The following FGF10 variants were observed in gnomAD, a reference collection of about 807,000 sequenced individuals.
FGF10 encodes FGF-10.
Under a neutral mutation model 19.8 loss-of-function variants are expected in FGF10, and 2 were observed. The ratio of observed to expected loss-of-function variants is 0.10; its 90% CI spans 0.04 to 0.32. The LOEUF is 0.32. Among genes scored for constraint, FGF10 ranks in the 10% least tolerant of loss-of-function variants. The probability of loss-of-function intolerance (pLI) is 1.00; values close to 1 mark genes in which losing one functional copy is unlikely to be tolerated. For synonymous variants in FGF10, 112 were observed against 94.0 expected, an observed-to-expected ratio of 1.19 and a Z score of -1.10; for missense variants, 191 against 246.3, an observed-to-expected ratio of 0.78 and a Z score of 1.50.
At chr5:44,388,294 T>C (rs774516773) in intron 1 of FGF10, 64 bp downstream of exon 1, 1 of 1,487,926 alleles carries the variant, frequency 6.7e-7, no homozygotes. Flanking sequence ...GGAACAGATT[T>C]TTCCCCCCCG....
At chr5:44,354,456 T>A (rs1741302622) in intron 1 of FGF10, among the ~76,000 whole-genome samples, 1 of 151,514 alleles carries the variant, frequency 6.6e-6, no homozygotes, top group South Asian at 2.1e-4. Flanking sequence ...AAAGGACAGT[T>A]ATGTGGGCTT....
At chr5:44,344,604 T>TG (rs1411229803) in intron 1 of FGF10, among the ~76,000 whole-genome samples, 1 of 24,804 alleles carries the variant, frequency 4.0e-5, no homozygotes, top group Admixed American at 3.1e-4. Context: ...GTGTGTGTGT[T>TG]AAACCAACTC....
Position 44,303,081 on chromosome 5 carries a change from T to A in FGF10, c.*1914A>T, listed in dbSNP as rs1739998513. ...CCACAAAAATTAAACATTTTTATAA[T>A]CTCATTTGCCAAAAAGCAAGTTGGA... On this transcript the variant is annotated 3_prime_UTR_variant, in exon 3 of 3. Coordinates refer to ENST00000264664, the MANE Select transcript of FGF10 (RefSeq NM_004465.2). Among the ~76,000 whole-genome samples the A allele has an allele frequency of 6.6e-6, 1 of 152,196 alleles. No homozygotes were observed. The highest frequency in any genetic ancestry group is 2.1e-4 in the South Asian group (1 of 4,832).
intron 1 of FGF10, among the ~76,000 whole-genome samples, chr5:44,387,313 C>G (rs940678594): frequency 6.6e-6 from 1 of 152,010 alleles, no homozygotes; most frequent in African/African-American, 2.4e-5. Context: ...GCCCACACCC[C>G]TGCAAGAAAG....
Position 44,303,370 on chromosome 5 carries a change from A to G in FGF10, c.*1625T>C, listed in dbSNP as rs186437998. Among the ~76,000 whole-genome samples the G allele has an allele frequency of 6.6e-6, 1 of 152,298 alleles. No individual in the cohort carries two copies. The highest frequency in any genetic ancestry group is 1.9e-4 in the East Asian group (1 of 5,186). On this transcript the variant is annotated 3_prime_UTR_variant, in exon 3 of 3. Coordinates refer to ENST00000264664, the MANE Select transcript of FGF10 (RefSeq NM_004465.2). ...AAACTTTAGTAAGACACATTTAGTG[A>G]GTCTTTTTTTTTGTACCAAAATACT...
intron 1 of FGF10, among the ~76,000 whole-genome samples, chr5:44,374,095 G>A (rs1409596615): frequency 6.6e-6 from 1 of 152,160 alleles, no homozygotes; most frequent in African/African-American, 2.4e-5. Context: ...AAACTCCTCT[G>A]TAGGTTCTAG....
intron 2 of FGF10, among the ~76,000 whole-genome samples, chr5:44,309,533 T>C (rs1391533937): frequency 6.6e-6 from 1 of 152,146 alleles, no homozygotes; most frequent in Non-Finnish European, 1.5e-5. Flanking sequence ...TCAAGGCCCA[T>C]TTCTATACTT....
chr5:44,301,870 C>T lies in FGF10; in HGVS notation c.*3125G>A, dbSNP rs2111654160. 6.6e-6 allele frequency among the ~76,000 whole-genome samples: 1 copy of T among 152,026 alleles called. No homozygotes were observed. Among genetic ancestry groups the T allele is most frequent in the Middle Eastern group, 3.4e-3 (1 of 294 alleles). ...GGACAATATTTTAATTTTCTTTTCCCAACATTTTTATTGTTTTTATTTAAA... is the reference window on the plus strand; with the variant it reads ...GGACAATATTTTAATTTTCTTTTCCTAACATTTTTATTGTTTTTATTTAAA... On this transcript the variant is annotated 3_prime_UTR_variant, in exon 3 of 3. Transcript: ENST00000264664.
At chr5:44,387,568 G>A (rs1420443191) in intron 1 of FGF10, among the ~76,000 whole-genome samples, 1 of 152,124 alleles carries the variant, frequency 6.6e-6, no homozygotes, top group Non-Finnish European at 1.5e-5. Flanking sequence ...CAATATGAGA[G>A]GTTTCAGAAG....
At chr5:44,314,599 A>T (rs1445416717) in intron 1 of FGF10, among the ~76,000 whole-genome samples, 1 of 152,084 alleles carries the variant, frequency 6.6e-6, no homozygotes. Flanking sequence ...AGAAGTCACA[A>T]TTTTCGTGTA....
chr5:44,302,002 T>C lies in FGF10; in HGVS notation c.*2993A>G, dbSNP rs567934247. Among the ~76,000 whole-genome samples, 2 of 152,236 alleles carry C rather than the reference T, an allele frequency of 1.3e-5. No individual in the cohort carries two copies. Among genetic ancestry groups the C allele is most frequent in the African/African-American group, 4.8e-5 (2 of 41,564 alleles). ...AACCAAAACTCAAATGGACACATAT[T>C]TGTGGCTGATGCACTTTAACTTTGT... On this transcript the variant is annotated 3_prime_UTR_variant, in exon 3 of 3. Coordinates refer to ENST00000264664, the MANE Select transcript of FGF10 (RefSeq NM_004465.2).
chr5:44,374,241 C>T lies in FGF10; in HGVS notation c.325+14117G>A, dbSNP rs190154510. On this transcript the variant is annotated intron_variant, in intron 1 of 2. Transcript: ENST00000264664. ...ATGCCTTCTGCCTTCTGTGCTTCTA[C>T]GTATGTCTAATCTCCTTGTGTCTCT... Among the ~76,000 whole-genome samples the T allele has an allele frequency of 1.6e-3, 246 of 152,228 alleles. 1 individual carries two copies. Among genetic ancestry groups the T allele is most frequent in the Non-Finnish European group, 2.3e-3 (158 of 68,014 alleles).
intron 2 of FGF10, among the ~76,000 whole-genome samples, chr5:44,306,402 A>G (rs562594540): frequency 2.0e-5 from 3 of 152,330 alleles, no homozygotes; most frequent in African/African-American, 7.2e-5. Context: ...GTCTCAAAAC[A>G]AAACAAAACA....
At chr5:44,331,733 A>G (rs1339199662) in intron 1 of FGF10, among the ~76,000 whole-genome samples, 1 of 152,056 alleles carries the variant, frequency 6.6e-6, no homozygotes, top group African/African-American at 2.4e-5. Flanking sequence ...TTTGCATGCA[A>G]AATACATGTG....
At position 44,305,130 on chromosome 5, in the gene FGF10, A is replaced by G. The variant is rs745484862; in HGVS notation, c.492T>C (p.Tyr164=). Residue 164 remains tyrosine, a synonymous_variant, in exon 3 of 3, where the codon TAT becomes TAC. Transcript: ENST00000264664. The part of the protein sequence containing the change: ...ERIEENGYNT[Y]ASFNWQHNGR... ...CATTATGCTGCCAGTTAAATGATGC[A>G]TAGGTATTGTATCCATTTTCCTCTA... 11 of 1,613,990 alleles carry G rather than the reference A, an allele frequency of 6.8e-6. No individual in the cohort carries two copies. The highest frequency in any genetic ancestry group is 2.2e-5 in the East Asian group (1 of 44,850).
chr5:44,358,582 C>G (rs1173951185), intron 1 of FGF10, among the ~76,000 whole-genome samples: 1 of 151,462 alleles, frequency 6.6e-6, no homozygotes, highest in Non-Finnish European at 1.5e-5. Context: ...ATGTAGTATG[C>G]ACAGAGTGTC....
At chr5:44,315,723 T>G (rs1193278485) in intron 1 of FGF10, among the ~76,000 whole-genome samples, 1 of 152,146 alleles carries the variant, frequency 6.6e-6, no homozygotes, top group Non-Finnish European at 1.5e-5. Flanking sequence ...ATGAAACCTC[T>G]CTCTCCCAAG....
At chr5:44,314,186 C>A (rs751758038) in intron 1 of FGF10, among the ~76,000 whole-genome samples, 57 of 152,014 alleles carry the variant, frequency 3.7e-4, no homozygotes, top group Non-Finnish European at 3.8e-4. Context: ...TTTCAAATAT[C>A]ATAAGAGGTT....
At chr5:44,365,178 A>C (rs1232956263) in intron 1 of FGF10, among the ~76,000 whole-genome samples, 1 of 151,766 alleles carries the variant, frequency 6.6e-6, no homozygotes, top group Non-Finnish European at 1.5e-5. Flanking sequence ...TCCATACCTA[A>C]GACCTCCACT....
Sources: gnomAD v4.1 joint callset for allele counts (sites outside exome capture counted in the v4.1 genomes callset) on GRCh38, gnomAD v4.1.1 for gene constraint, MANE v1.5 for transcripts, NCBI Gene and HGNC (gene_info 2026-07-23, HGNC 2026-07-21) for gene names.